The following GRIK2 variants were observed in gnomAD, a reference collection of about 807,000 sequenced individuals.
The protein encoded by GRIK2 is glutamate ionotropic receptor kainate type subunit 2.
GRIK2 carries 32 observed loss-of-function variants against 100.3 expected under a neutral mutation model. The ratio of observed to expected loss-of-function variants is 0.32; its 90% confidence interval spans 0.24 to 0.43. GRIK2 has a LOEUF of 0.43. Ranked by LOEUF, GRIK2 falls within the 20% of genes least tolerant of loss-of-function variation. The pLI is 1.00. For missense variants in GRIK2, 843 were observed against 1,114.9 expected, an observed-to-expected ratio of 0.76 and a Z score of 3.47; for synonymous variants, 417 against 389.4, an observed-to-expected ratio of 1.07 and a Z score of -0.83.
intron 15 of GRIK2, among the ~76,000 whole-genome samples, chr6:102,037,610 A>T (rs1195146472): frequency 7.1e-6 from 1 of 141,138 alleles, no homozygotes; most frequent in Admixed American, 7.0e-5. Flanking sequence ...CAAATTCAAA[A>T]TTGGGCAATT....
intron 2 of GRIK2, among the ~76,000 whole-genome samples, chr6:101,606,591 C>A (rs1269292064): frequency 6.6e-6 from 1 of 151,922 alleles, no homozygotes; most frequent in South Asian, 2.1e-4. Context: ...ATAGCAGAAA[C>A]AGGACTAGAA....
intron 7 of GRIK2, among the ~76,000 whole-genome samples, chr6:101,691,096 G>A (rs1288308174): frequency 1.3e-5 from 2 of 152,246 alleles, no homozygotes; most frequent in Admixed American, 6.5e-5. Context: ...TAATGAGAGA[G>A]TGACTGCCTG....
chr6:101,704,607 G>T (rs943780938), intron 7 of GRIK2, among the ~76,000 whole-genome samples: 1 of 151,420 alleles, frequency 6.6e-6, no homozygotes, highest in Non-Finnish European at 1.5e-5. Flanking sequence ...AATTTAAATA[G>T]AATTGAATCT....
intron 10 of GRIK2, among the ~76,000 whole-genome samples, chr6:101,838,981 G>C (rs1254315472): frequency 7.2e-6 from 1 of 138,740 alleles, no homozygotes; most frequent in Non-Finnish European, 1.5e-5. Context: ...AAATAGTCTG[G>C]AATATGCTTT....
chr6:101,581,320 G>A (rs993232804), intron 2 of GRIK2, among the ~76,000 whole-genome samples: 5 of 151,452 alleles, frequency 3.3e-5, no homozygotes, highest in African/African-American at 1.2e-4. Flanking sequence ...ATATGTATAT[G>A]TATATATAAT....
At position 101,393,849 on chromosome 6, in the gene GRIK2, C is replaced by G. The variant is rs1774897936; in HGVS notation, c.-294+12C>G. Among the ~76,000 whole-genome samples the G allele has an allele frequency of 6.6e-6, 1 of 152,224 alleles. No homozygotes were observed. The highest frequency in any genetic ancestry group is 2.4e-5 in the African/African-American group (1 of 41,570). ...ACCCCTAGCTCCAGGTAAGGACTCCCCGGCTGTGGGCTGCACTCCGGGCTC... is the reference window on the plus strand; with the variant it reads ...ACCCCTAGCTCCAGGTAAGGACTCCGCGGCTGTGGGCTGCACTCCGGGCTC... On this transcript the variant is annotated intron_variant, in intron 1 of 16. Transcript: ENST00000369134.
intron 12 of GRIK2, among the ~76,000 whole-genome samples, chr6:101,894,738 A>G (rs1049341369): frequency 6.6e-6 from 1 of 151,732 alleles, no homozygotes; most frequent in African/African-American, 2.4e-5. Flanking sequence ...ATAATAGAAA[A>G]TGTTTATAAA....
intron 2 of GRIK2, among the ~76,000 whole-genome samples, chr6:101,456,360 T>C (rs1771009486): frequency 6.6e-6 from 1 of 152,072 alleles, no homozygotes; most frequent in Admixed American, 6.6e-5. Flanking sequence ...ATGATTTACA[T>C]TCAATGTTGC....
chr6:101,791,496 G>C (rs1187714998), intron 7 of GRIK2, among the ~76,000 whole-genome samples: 1 of 152,166 alleles, frequency 6.6e-6, no homozygotes, highest in Non-Finnish European at 1.5e-5. Context: ...AGGTTGTTCA[G>C]TTTCCATGTA....
chr6:101,565,762 A>T (rs1777225669), intron 2 of GRIK2, among the ~76,000 whole-genome samples: 1 of 151,772 alleles, frequency 6.6e-6, no homozygotes, highest in Non-Finnish European at 1.5e-5. Flanking sequence ...TTGAAAATTC[A>T]TGTATAACTT....
At chr6:101,821,423 A>AT (rs1190674591) in intron 10 of GRIK2, among the ~76,000 whole-genome samples, 6 of 152,086 alleles carry the variant, frequency 3.9e-5, no homozygotes, top group African/African-American at 1.4e-4. Context: ...GGACACTTTG[A>AT]TTTTTTTAAT....
chr6:101,515,684 T>C (rs1163812579), intron 2 of GRIK2, among the ~76,000 whole-genome samples: 3 of 152,220 alleles, frequency 2.0e-5, no homozygotes, highest in Non-Finnish European at 4.4e-5. Flanking sequence ...GAGCATTTTT[T>C]CATATGTTTG....
chr6:101,677,679 C>T (rs1299697350), intron 5 of GRIK2, among the ~76,000 whole-genome samples: 2 of 152,072 alleles, frequency 1.3e-5, no homozygotes, highest in African/African-American at 4.8e-5. Context: ...CTTTTATGCA[C>T]ACTGAGCTGA....
intron 4 of GRIK2, among the ~76,000 whole-genome samples, chr6:101,669,905 A>C (rs1042205185): frequency 6.6e-6 from 1 of 152,118 alleles, no homozygotes; most frequent in African/African-American, 2.4e-5. Flanking sequence ...AATGAAAATA[A>C]ATATGGAAAT....
In GRIK2 at chr6:101,844,902, A is replaced by C. The variant is rs78078053; in HGVS notation, c.1318-14385A>C. ...TTCAGTGGTTTTCAGTATGTTCACA[A>C]TATTGTGCAGATATCACCACTATCT... On this transcript the variant is annotated intron_variant, in intron 10 of 16. Transcript: ENST00000369134. Among the ~76,000 whole-genome samples the C allele has an allele frequency of 8.8e-3, 1,340 of 152,278 alleles. 15 individuals are homozygous for C. The highest frequency in any genetic ancestry group is 0.014 in the Non-Finnish European group (973 of 68,014).
At chr6:101,816,303 A>G (rs1159058267) in intron 9 of GRIK2, among the ~76,000 whole-genome samples, 2 of 152,200 alleles carry the variant, frequency 1.3e-5, no homozygotes, top group African/African-American at 4.8e-5. Context: ...TGGACCAGGT[A>G]TAGAAAAGTG....
intron 7 of GRIK2, among the ~76,000 whole-genome samples, chr6:101,709,910 G>A (rs1217112960): frequency 1.3e-5 from 2 of 151,762 alleles, no homozygotes; most frequent in African/African-American, 2.4e-5. Context: ...TGCCATTAAC[G>A]TTCAGCCTTT....
intron 14 of GRIK2, among the ~76,000 whole-genome samples, chr6:102,013,550 G>C (rs1184176523): frequency 6.6e-6 from 1 of 152,078 alleles, no homozygotes; most frequent in Admixed American, 6.6e-5. Flanking sequence ...TTCCTATTTA[G>C]TATGATGTTG....
At chr6:102,048,000 C>A (rs1770985762) in intron 15 of GRIK2, among the ~76,000 whole-genome samples, 1 of 151,296 alleles carries the variant, frequency 6.6e-6, no homozygotes, top group South Asian at 2.1e-4. Context: ...GGTACTGCCC[C>A]CCTCCCAAGA....
Sources: gnomAD v4.1 joint callset for allele counts (sites outside exome capture counted in the v4.1 genomes callset) on GRCh38, gnomAD v4.1.1 for gene constraint, MANE v1.5 for transcripts, NCBI Gene and HGNC (gene_info 2026-07-23, HGNC 2026-07-21) for gene names.